INTS4: variants seen among roughly 807,000 people sequenced by gnomAD.
INTS4 encodes MSTP093.
A neutral mutation model predicts 119.5 loss-of-function variants in INTS4; 70 were observed. The ratio of observed to expected loss-of-function variants is 0.59; its 90% CI spans 0.48 to 0.71. INTS4 has a LOEUF of 0.71. Among genes scored for constraint, INTS4 ranks in the 30% least tolerant of loss-of-function variants. INTS4 has a pLI of 0.00. For missense variants in INTS4, 867 were observed against 1,173.2 expected (o/e 0.74, Z 3.81); for synonymous variants, 316 against 419.6 (o/e 0.75, Z 3.02).
At chr11:77,946,776 G>GA (rs1044911258) in intron 8 of INTS4, among the ~76,000 whole-genome samples, 1 of 149,254 alleles carries the variant, frequency 6.7e-6, no homozygotes, top group Admixed American at 6.7e-5. Flanking sequence ...AAAAAAAAAG[G>GA]AAAAAAGTCT....
intron 4 of INTS4, among the ~76,000 whole-genome samples, chr11:77,970,959 C>A (rs891442769): frequency 6.6e-6 from 1 of 152,062 alleles, no homozygotes; most frequent in African/African-American, 2.4e-5. Context: ...AGGCGCCCAC[C>A]ACCATGCCTG....
chr11:77,886,044 A>C (rs573737304), intron 21 of INTS4, among the ~76,000 whole-genome samples: 5 of 151,952 alleles, frequency 3.3e-5, no homozygotes, highest in South Asian at 2.1e-4. Context: ...TCTCCACACA[A>C]AAAAAATTAA....
At chr11:77,964,187 G>A (rs1216137582) in intron 4 of INTS4, among the ~76,000 whole-genome samples, 1 of 152,158 alleles carries the variant, frequency 6.6e-6, no homozygotes, top group African/African-American at 2.4e-5. Flanking sequence ...ATTAAGGAGA[G>A]GATAAATGAG....
At chr11:77,966,669 T>C (rs1002105400) in intron 4 of INTS4, among the ~76,000 whole-genome samples, 23 of 152,226 alleles carry the variant, frequency 1.5e-4, no homozygotes, top group African/African-American at 5.5e-4. Context: ...GCCAGTACCA[T>C]GTTGTTTTGA....
chr11:77,974,983 C>A (rs1477150314), intron 4 of INTS4, among the ~76,000 whole-genome samples: 1 of 152,180 alleles, frequency 6.6e-6, no homozygotes, highest in East Asian at 1.9e-4. Flanking sequence ...AGTCTTCTCT[C>A]TCTTTCTTGG....
In INTS4 at chr11:77,886,648, A is replaced by T. The variant is rs572818598; in HGVS notation, c.2593-2696T>A. 5.9e-5 allele frequency among the ~76,000 whole-genome samples: 9 copies of T among 152,270 alleles called. No individual in the cohort carries two copies. The South Asian group carries it at 1.9e-3, about 32-fold the overall frequency. On this transcript the variant is annotated intron_variant, in intron 21 of 22. Coordinates refer to ENST00000534064, the MANE Select transcript of INTS4 (RefSeq NM_033547.4). ...TATCCAGCGAAACCACAGCCAAGGG[A>T]ATGGGCTTGGCGGAATCAGCAGGGA...
At chr11:77,945,899 CCAAACT>C (rs1444590242) in intron 8 of INTS4, among the ~76,000 whole-genome samples, 1 of 152,208 alleles carries the variant, frequency 6.6e-6, no homozygotes, top group Non-Finnish European at 1.5e-5. Context: ...TAGACTGCTG[CCAAACT>C]GCCCAGCCCC....
At chr11:77,908,373 G>C (rs1000612093) in intron 15 of INTS4, among the ~76,000 whole-genome samples, 2 of 149,606 alleles carry the variant, frequency 1.3e-5, no homozygotes, top group Non-Finnish European at 3.0e-5. Flanking sequence ...CTGTTGCCCA[G>C]ACTGGAGTAC....
At chr11:77,883,706 A>T in intron 22 of INTS4, 126 bp downstream of exon 22, 2 of 1,024,782 alleles carry the variant, frequency 2.0e-6, no homozygotes, top group Non-Finnish European at 2.8e-6. Flanking sequence ...TAAACTCATT[A>T]AGTTCAATTC....
At position 77,928,386 on chromosome 11, in the gene INTS4, T is replaced by C. The variant is rs1436686864; in HGVS notation, c.1327A>G (p.Thr443Ala). 3 of 1,612,554 alleles carry C rather than the reference T, an allele frequency of 1.9e-6. No individual in the cohort carries two copies. The highest frequency in any genetic ancestry group is 1.7e-5 in the Admixed American group (1 of 59,914). ...GTGTCAAGCTGATCTTCTCGGAGGG[T>C]GATGTTGTTAGAGATTTTTCTCATG... ...HTMRKISNNI[T>A]LREDQLDTVL... The change falls in exon 11 of 23, where the codon ACC becomes GCC. Residue 443 changes from threonine to alanine, a missense_variant. Transcript: ENST00000534064.
chr11:77,918,554 T>G, intron 15 of INTS4: 1 of 327,884 alleles, frequency 3.0e-6, no homozygotes, highest in African/African-American at 2.1e-5. Flanking sequence ...CTCATCCTAA[T>G]ATATAAAATT....
At chr11:77,971,998 A>G (rs1385184414) in intron 4 of INTS4, among the ~76,000 whole-genome samples, 1 of 152,202 alleles carries the variant, frequency 6.6e-6, no homozygotes, top group Non-Finnish European at 1.5e-5. Context: ...CAGTTGTCCC[A>G]ACACCATGCA....
downstream of INTS4, among the ~76,000 whole-genome samples, chr11:77,876,592 C>G (rs952192925): frequency 6.6e-6 from 1 of 152,168 alleles, no homozygotes; most frequent in African/African-American, 2.4e-5. Context: ...CCAAACTCAT[C>G]TAGCCTGGAG....
intron 16 of INTS4, 101 bp from the exon 17 acceptor site, chr11:77,903,721 A>T (rs1404991829): frequency 2.5e-5 from 20 of 800,082 alleles, no homozygotes; most frequent in Admixed American, 1.0e-4. Flanking sequence ...TCTCCCATGA[A>T]CATGACTTCT....
intron 10 of INTS4, among the ~76,000 whole-genome samples, chr11:77,934,676 T>A (rs2136511718): frequency 6.6e-6 from 1 of 152,348 alleles, no homozygotes; most frequent in African/African-American, 2.4e-5. Flanking sequence ...AAAATGCTAA[T>A]AGAAACAAAA....
rs1173211091 is a variant in INTS4 at position 77,954,941 on chromosome 11, G to A, written c.918+1001C>T. Among the ~76,000 whole-genome samples, 9 of 152,166 alleles carry A rather than the reference G, an allele frequency of 5.9e-5. No individual in the cohort carries two copies. The South Asian group carries it at 1.0e-3, about 18-fold the overall frequency. On this transcript the variant is annotated intron_variant, in intron 8 of 22. Coordinates refer to ENST00000534064, the MANE Select transcript of INTS4 (RefSeq NM_033547.4). ...TTGTTTTCCTTTTTCTCTAGGCTCC[G>A]GCTATCTTAATTCCTAGTAGGGTTA...
At chr11:77,890,092 A>G (rs1373962196) in intron 21 of INTS4, among the ~76,000 whole-genome samples, 1 of 152,202 alleles carries the variant, frequency 6.6e-6, no homozygotes, top group Non-Finnish European at 1.5e-5. Context: ...TGTTCTTCTT[A>G]ATGCTTTCTG....
At chr11:77,929,649 T>C (rs1375084879) in intron 10 of INTS4, among the ~76,000 whole-genome samples, 2 of 152,262 alleles carry the variant, frequency 1.3e-5, no homozygotes, top group African/African-American at 2.4e-5. Context: ...CTGTTGATTG[T>C]AGGCTAAAAT....
At chr11:77,993,315 C>A (rs896284491) in intron 1 of INTS4, among the ~76,000 whole-genome samples, 2 of 152,218 alleles carry the variant, frequency 1.3e-5, no homozygotes, top group African/African-American at 4.8e-5. Flanking sequence ...AGACTAAGCT[C>A]TCGCTGAGGT....
Sources: gnomAD v4.1 joint callset for allele counts (sites outside exome capture counted in the v4.1 genomes callset) on GRCh38, gnomAD v4.1.1 for gene constraint, MANE v1.5 for transcripts, NCBI Gene and HGNC (gene_info 2026-07-23, HGNC 2026-07-21) for gene names.